SSBP3: variants seen among roughly 807,000 people sequenced by gnomAD.
SSBP3 encodes the protein single-stranded DNA-binding protein 3.
In SSBP3, 5 loss-of-function variants were observed where a neutral mutation model predicts 69.6. The observed-to-expected ratio is 0.07, with a 90% CI of 0.04 to 0.15. The LOEUF (loss-of-function observed/expected upper bound fraction) is 0.15. Ranked by LOEUF, SSBP3 falls within the 10% of genes least tolerant of loss-of-function variation. SSBP3 has a pLI of 1.00. For missense variants in SSBP3, 312 were observed against 534.0 expected, an observed-to-expected ratio of 0.58 and a Z score of 4.10; for synonymous variants, 196 against 193.4, an observed-to-expected ratio of 1.01 and a Z score of -0.11.
intron 4 of SSBP3, among the ~76,000 whole-genome samples, chr1:54,369,437 G>T (rs1275987711): frequency 6.6e-6 from 1 of 152,134 alleles, no homozygotes; most frequent in Non-Finnish European, 1.5e-5. Context: ...TGAAAACCAA[G>T]GTCAAGAATA....
intron 4 of SSBP3, among the ~76,000 whole-genome samples, chr1:54,293,296 G>A (rs1375908738): frequency 6.6e-6 from 1 of 152,022 alleles, no homozygotes; most frequent in Non-Finnish European, 1.5e-5. Flanking sequence ...AGGGGGTGGG[G>A]CCTGGGAGGA....
intron 3 of SSBP3, among the ~76,000 whole-genome samples, chr1:54,402,964 G>A (rs1019059554): frequency 1.3e-5 from 2 of 152,196 alleles, no homozygotes; most frequent in African/African-American, 4.8e-5. Flanking sequence ...CACTGCTCTT[G>A]TCCTCGTCAC....
intron 5 of SSBP3, among the ~76,000 whole-genome samples, chr1:54,264,496 T>C (rs1199023861): frequency 2.0e-5 from 3 of 152,234 alleles, no homozygotes; most frequent in Non-Finnish European, 4.4e-5. Context: ...ACTCAAGTCC[T>C]GGCTCTGTGG....
intron 9 of SSBP3, 105 bp from the exon 10 acceptor site, chr1:54,243,404 A>G: frequency 1.2e-5 from 16 of 1,379,200 alleles, no homozygotes; most frequent in Non-Finnish European, 1.2e-5. Flanking sequence ...TAGTCTGTGA[A>G]AAGGATTGAT....
At chr1:54,287,896 G>A (rs1395712597) in intron 4 of SSBP3, among the ~76,000 whole-genome samples, 4 of 152,182 alleles carry the variant, frequency 2.6e-5, no homozygotes, top group African/African-American at 9.7e-5. Context: ...AAACAGAGCT[G>A]TTGCTACGTG....
chr1:54,281,629 G>A (rs929119904), intron 4 of SSBP3, 102 bp from the exon 5 acceptor site: 26 of 1,098,656 alleles, frequency 2.4e-5, no homozygotes, highest in Middle Eastern at 2.0e-4. Flanking sequence ...CACATTCCCC[G>A]TGGACCTTCC....
chr1:54,237,761 G>C (rs753718965), intron 14 of SSBP3: 1 of 192,684 alleles, frequency 5.2e-6, no homozygotes, highest in African/African-American at 2.3e-5. Flanking sequence ...AACCAGCACC[G>C]TCTAGACAAA....
chr1:54,357,054 C>G (rs1646880470), intron 4 of SSBP3, among the ~76,000 whole-genome samples: 1 of 152,058 alleles, frequency 6.6e-6, no homozygotes, highest in African/African-American at 2.4e-5. Context: ...AGAGGCCTAT[C>G]TGGTTTCCCC....
intron 4 of SSBP3, among the ~76,000 whole-genome samples, chr1:54,293,489 T>G (rs1569660091): frequency 6.6e-6 from 1 of 152,194 alleles, no homozygotes; most frequent in South Asian, 2.1e-4. Context: ...TACAAAACAT[T>G]TATTGGGGTC....
intron 4 of SSBP3, among the ~76,000 whole-genome samples, chr1:54,297,384 C>A (rs961543486): frequency 1.3e-5 from 2 of 152,226 alleles, no homozygotes; most frequent in Admixed American, 6.5e-5. Context: ...AATCCCGGCA[C>A]TTTGGGAGGC....
chr1:54,228,176 G>C, intron 17 of SSBP3, 79 bp downstream of exon 17: 1 of 1,336,946 alleles, frequency 7.5e-7, no homozygotes, highest in Non-Finnish European at 1.1e-6. Context: ...GCTGCAGCCC[G>C]GCTCCGTAGC....
intron 4 of SSBP3, among the ~76,000 whole-genome samples, chr1:54,389,157 G>C (rs1648296901): frequency 6.6e-6 from 1 of 152,148 alleles, no homozygotes; most frequent in Non-Finnish European, 1.5e-5. Flanking sequence ...GAGCTGATGA[G>C]AAAGTCTCAT....
chr1:54,304,504 A>G (rs59344756), intron 4 of SSBP3, among the ~76,000 whole-genome samples: 22,822 of 152,188 alleles, frequency 0.15, 1,822 homozygotes, highest in South Asian at 0.26. Flanking sequence ...AAGAGAAGCC[A>G]GGTGAGGCTG....
At position 54,390,963 on chromosome 1, in the gene SSBP3, G is replaced by C. The variant is rs76925575; in HGVS notation, c.276+10898C>G. On this transcript the variant is annotated intron_variant, in intron 4 of 17. Transcript: ENST00000610401. ...ACCAGGCCTGCCCACTGGGCCATCTGCCCCCTCAGCACCGGCTGGATGGCC... is the reference window on the plus strand; with the variant it reads ...ACCAGGCCTGCCCACTGGGCCATCTCCCCCCTCAGCACCGGCTGGATGGCC... 4.2e-3 allele frequency among the ~76,000 whole-genome samples: 639 copies of C among 152,338 alleles called. 18 individuals are homozygous for C. Among genetic ancestry groups the C allele is most frequent in the East Asian group, 9.5e-3 (49 of 5,178 alleles).
intron 4 of SSBP3, among the ~76,000 whole-genome samples, chr1:54,391,578 C>T (rs1648499201): frequency 6.6e-6 from 1 of 152,242 alleles, no homozygotes; most frequent in African/African-American, 2.4e-5. Context: ...CCTTTTGTGA[C>T]TGGGAAAGAA....
chr1:54,248,325 G>T (rs1332817801), intron 9 of SSBP3, among the ~76,000 whole-genome samples: 2 of 152,340 alleles, frequency 1.3e-5, no homozygotes, highest in African/African-American at 4.8e-5. Flanking sequence ...CAAGCTCAGG[G>T]CCTGCGGGAA....
intron 4 of SSBP3, among the ~76,000 whole-genome samples, chr1:54,351,143 A>G (rs1182899830): frequency 6.6e-6 from 1 of 152,180 alleles, no homozygotes; most frequent in Non-Finnish European, 1.5e-5. Context: ...GCTATTTTTT[A>G]TAATGAGAAT....
At chr1:54,333,933 T>C (rs1557540834) in intron 4 of SSBP3, among the ~76,000 whole-genome samples, 1 of 151,920 alleles carries the variant, frequency 6.6e-6, no homozygotes, top group African/African-American at 2.4e-5. Flanking sequence ...GGCATGGTGA[T>C]GTGTTGTCTG....
At chr1:54,351,724 A>C (rs1646783309) in intron 4 of SSBP3, among the ~76,000 whole-genome samples, 1 of 152,008 alleles carries the variant, frequency 6.6e-6, no homozygotes, top group Non-Finnish European at 1.5e-5. Flanking sequence ...CTAGCAGATT[A>C]CTCCCACGGA....
Sources: gnomAD v4.1 joint callset for allele counts (sites outside exome capture counted in the v4.1 genomes callset) on GRCh38, gnomAD v4.1.1 for gene constraint, MANE v1.5 for transcripts, NCBI Gene and HGNC (gene_info 2026-07-23, HGNC 2026-07-21) for gene names.